Variants in ACKR2 observed in about 807,000 individuals in gnomAD.
ACKR2 encodes the protein C-C chemokine receptor D6.
For missense variants in ACKR2, 457 were observed against 477.3 expected (o/e 0.96, Z 0.40); for synonymous variants, 207 against 192.2 (o/e 1.08, Z -0.64).
intron 1 of ACKR2, among the ~76,000 whole-genome samples, chr3:42,811,222 T>C (rs1361550233): frequency 1.3e-5 from 2 of 152,220 alleles, no homozygotes; most frequent in Non-Finnish European, 2.9e-5. Context: ...ACTGTTACTG[T>C]GTCTATGTAG....
At position 42,831,745 on chromosome 3, in the gene ACKR2, A is replaced by G. The variant is rs115769891; in HGVS notation, c.-38+12034A>G. Among the ~76,000 whole-genome samples the G allele has an allele frequency of 2.4e-3, 367 of 152,260 alleles. 3 individuals carry two copies. The highest frequency in any genetic ancestry group is 8.6e-3 in the African/African-American group (356 of 41,542). On this transcript the variant is annotated intron_variant, in intron 2 of 2. Coordinates refer to ENST00000422265, the MANE Select transcript of ACKR2 (RefSeq NM_001296.5). Reference sequence around the variant, plus strand: ...AGGATGTTCTTTAGAGTTCTCTTCAATTCTCTTGTAGTAGTTACTTCTCTT... The same window carrying G: ...AGGATGTTCTTTAGAGTTCTCTTCAGTTCTCTTGTAGTAGTTACTTCTCTT...
chr3:42,858,737 G>A (rs2088349695), intron 2 of ACKR2, among the ~76,000 whole-genome samples: 1 of 151,956 alleles, frequency 6.6e-6, no homozygotes, highest in Non-Finnish European at 1.5e-5. Context: ...TGAGCTAAAG[G>A]AGCATGTTCT....
intron 2 of ACKR2, among the ~76,000 whole-genome samples, chr3:42,821,757 C>T (rs945932860): frequency 5.9e-5 from 9 of 151,642 alleles, no homozygotes; most frequent in African/African-American, 1.5e-4. Flanking sequence ...AGTGCAGTGG[C>T]GCTATCTCGG....
chr3:42,822,813 CAAAAAAA>C (rs71072739), intron 2 of ACKR2, among the ~76,000 whole-genome samples: 1 of 81,904 alleles, frequency 1.2e-5, no homozygotes. Flanking sequence ...GACTCCAGCT[CAAAAAAA>C]AAAAAAAAAA....
intron 1 of ACKR2, among the ~76,000 whole-genome samples, chr3:42,814,892 T>G (rs1304488004): frequency 6.6e-6 from 1 of 152,170 alleles, no homozygotes; most frequent in Admixed American, 6.5e-5. Flanking sequence ...AAGTGGGCCT[T>G]GAAGGATGAC....
chr3:42,811,420 A>G (rs1297508517), intron 1 of ACKR2, among the ~76,000 whole-genome samples: 76 of 152,204 alleles, frequency 5.0e-4, no homozygotes, highest in Non-Finnish European at 1.5e-5. Flanking sequence ...TACAGGCTGT[A>G]TGCTTGGTAA....
At chr3:42,810,812 G>T (rs1453983883) in intron 1 of ACKR2, among the ~76,000 whole-genome samples, 1 of 152,348 alleles carries the variant, frequency 6.6e-6, no homozygotes, top group African/African-American at 2.4e-5. Context: ...CTTTGTTCGA[G>T]TGTTCAATTT....
chr3:42,828,555 G>A (rs1190243129), intron 2 of ACKR2, among the ~76,000 whole-genome samples: 2 of 152,194 alleles, frequency 1.3e-5, no homozygotes, highest in Non-Finnish European at 2.9e-5. Flanking sequence ...CAAAAGGAAT[G>A]TTTTCTGAGA....
intron 1 of ACKR2, among the ~76,000 whole-genome samples, chr3:42,817,294 T>G (rs909932635): frequency 2.0e-5 from 3 of 152,204 alleles, no homozygotes; most frequent in African/African-American, 7.2e-5. Flanking sequence ...CGTGAAGTTT[T>G]CTGACCCCTT....
chr3:42,863,117 G>C (rs1435174877), intron 2 of ACKR2, among the ~76,000 whole-genome samples: 3 of 152,112 alleles, frequency 2.0e-5, no homozygotes. Context: ...ATCTGACAAA[G>C]GGCTAATATC....
rs142186645 is a variant in ACKR2 at position 42,846,615 on chromosome 3, G to A, written c.-37-17851G>A. ...TTCAAAGCTGTCCTGGGCTGCATGC[G>A]GCCTGTTGGTTGGATAAGCTTGCTC... is the stretch of plus-strand genomic sequence containing the variant. On this transcript the variant is annotated intron_variant, in intron 2 of 2. Coordinates refer to ENST00000422265, the MANE Select transcript of ACKR2 (RefSeq NM_001296.5). Among the ~76,000 whole-genome samples, 614 of 152,254 alleles carry A rather than the reference G, an allele frequency of 4.0e-3. 5 individuals are homozygous for A. Among genetic ancestry groups the A allele is most frequent in the Admixed American group, 7.3e-3 (112 of 15,294 alleles).
intron 2 of ACKR2, among the ~76,000 whole-genome samples, chr3:42,856,945 G>T (rs944506163): frequency 1.0e-5 from 1 of 100,114 alleles, no homozygotes; most frequent in East Asian, 6.8e-4. Context: ...TGACATACTT[G>T]TATCACTGGT....
intron 2 of ACKR2, among the ~76,000 whole-genome samples, chr3:42,828,092 A>ATATATAT (rs1193533555): frequency 0.012 from 1,401 of 121,824 alleles, 14 homozygotes; most frequent in Middle Eastern, 0.031. Flanking sequence ...ATATATATAT[A>ATATATAT]TTTTTTTTTT....
chr3:42,823,103 G>A (rs1700825751), intron 2 of ACKR2, among the ~76,000 whole-genome samples: 1 of 152,164 alleles, frequency 6.6e-6, no homozygotes. Context: ...GCCCCACATG[G>A]TCTAGGCTGT....
At chr3:42,861,870 A>G (rs2088388432) in intron 2 of ACKR2, among the ~76,000 whole-genome samples, 1 of 152,224 alleles carries the variant, frequency 6.6e-6, no homozygotes, top group Admixed American at 6.5e-5. Context: ...TCTCAAAATA[A>G]TAAGAGCTAT....
chr3:42,816,189 CGT>C (rs56332875), intron 1 of ACKR2, among the ~76,000 whole-genome samples: 43,488 of 145,648 alleles, frequency 0.3, 6,641 homozygotes, highest in East Asian at 0.63. Context: ...TTGATAGTTT[CGT>C]GTGTGTGTGT....
intron 2 of ACKR2, among the ~76,000 whole-genome samples, chr3:42,849,017 G>T (rs1032501832): frequency 6.6e-6 from 1 of 152,208 alleles, no homozygotes; most frequent in East Asian, 1.9e-4. Context: ...AACTGCCCCA[G>T]AATGAAGAGA....
At position 42,852,248 on chromosome 3, in the gene ACKR2, A is replaced by G. The variant is rs972144347; in HGVS notation, c.-37-12218A>G. On this transcript the variant is annotated intron_variant, in intron 2 of 2. Transcript: ENST00000422265. This position sits in a 1 kb window ranked among gnomAD's most constrained non-coding sequence, Gnocchi z 4.3. ...TGAGTGTCCTGCCTTTCCTGGGGAT[A>G]GTGGGGTTTCATTTTCATGCTGAAA... 2.0e-5 allele frequency: 3 copies of G among 152,204 alleles called. No homozygotes were observed. The highest frequency in any genetic ancestry group is 4.4e-5 in the Non-Finnish European group (3 of 68,078). The allele number at this position is 152,204 out of a possible 1,614,324, so 9.4% of individuals were successfully genotyped here.
rs540499098 is a variant in ACKR2, at chr3:42,848,306, T to G, written c.-37-16160T>G. Reference sequence around the variant, plus strand: ...AATCTTGTCTCACTGCAGCCTCCACTTCCCGGGCTCAAACAATCCTCTCAA... The same window carrying G: ...AATCTTGTCTCACTGCAGCCTCCACGTCCCGGGCTCAAACAATCCTCTCAA... On this transcript the variant is annotated intron_variant, in intron 2 of 2. Coordinates refer to ENST00000422265, the MANE Select transcript of ACKR2 (RefSeq NM_001296.5). Among the ~76,000 whole-genome samples the G allele has an allele frequency of 6.2e-5, 9 of 144,204 alleles. No homozygotes were observed. In the South Asian group the frequency reaches 2.0e-3, roughly 33 times the overall value. The allele number at this position is 144,204 out of a possible 152,430, so 94.6% of individuals were successfully genotyped here. A position where few individuals can be genotyped will look rare whatever the true frequency, so the allele number is the denominator to read the frequency against.
Sources: gnomAD v4.1 joint callset for allele counts (sites outside exome capture counted in the v4.1 genomes callset) on GRCh38, gnomAD v4.1.1 for gene constraint, Gnocchi (gnomAD v3.1) non-coding constraint, MANE v1.5 for transcripts, NCBI Gene and HGNC (gene_info 2026-07-23, HGNC 2026-07-21) for gene names.